KYAT3: variants seen among roughly 807,000 people sequenced by gnomAD.
The protein encoded by KYAT3 is kynurenine--oxoglutarate transaminase 3.
In KYAT3, 50 loss-of-function variants were observed where a neutral mutation model predicts 59.0. The ratio of observed to expected loss-of-function variants is 0.85; its 90% CI spans 0.68 to 1.07. The LOEUF (loss-of-function observed/expected upper bound fraction) is 1.07. KYAT3 is among the 50% of genes least tolerant of loss of function. The pLI is 0.00. For missense variants in KYAT3, 497 were observed against 533.3 expected, an observed-to-expected ratio of 0.93 and a Z score of 0.67; for synonymous variants, 148 against 177.0, an observed-to-expected ratio of 0.84 and a Z score of 1.30.
At chr1:88,990,409 C>T (rs1299235852) in intron 1 of KYAT3, among the ~76,000 whole-genome samples, 1 of 152,226 alleles carries the variant, frequency 6.6e-6, no homozygotes, top group Non-Finnish European at 1.5e-5. Flanking sequence ...TCACCCATTA[C>T]TCCATAATGG....
chr1:88,973,955 C>A (rs1421219874), intron 2 of KYAT3, among the ~76,000 whole-genome samples: 3 of 152,102 alleles, frequency 2.0e-5, no homozygotes, highest in African/African-American at 7.2e-5. Flanking sequence ...AGAATTGAGG[C>A]TGTGGATATC....
In KYAT3 at chr1:88,949,178, G is replaced by A. The variant is rs759620693; in HGVS notation, c.1054C>T (p.Arg352Trp). ...LPKELEVKRD[R>W]MVRLLESVGL... The stretch of plus-strand genomic sequence containing the variant: ...ACACTTTCAAGTAAACGTACCATCC[G>A]ATCTCTTTTTACTTCTAACTCTTTT... Residue 352 changes from arginine (R) to tryptophan (W), a missense_variant, in exon 11 of 14, where the codon CGG (arginine) becomes TGG (tryptophan). Physicochemically the swap from Arg to Trp is moderately radical, Grantham distance 101 (BLOSUM62 -3). Transcript: ENST00000260508. The A allele has an allele frequency of 2.4e-5, 38 of 1,610,272 alleles. No individual in the cohort carries two copies. The highest frequency in any genetic ancestry group is 5.1e-5 in the Admixed American group (3 of 59,156).
At chr1:88,955,116 A>AT in intron 9 of KYAT3, 33 bp downstream of exon 9, 2 of 1,405,350 alleles carry the variant, frequency 1.4e-6, no homozygotes, top group Non-Finnish European at 2.0e-6. Flanking sequence ...ATACAGGCCT[A>AT]TTTTTAAGCA....
chr1:88,987,078 C>T (rs1375711751), intron 2 of KYAT3, among the ~76,000 whole-genome samples: 1 of 152,214 alleles, frequency 6.6e-6, no homozygotes, highest in African/African-American at 2.4e-5. Flanking sequence ...TTGAATAATG[C>T]ATTGTCAGTG....
At chr1:88,974,842 C>T (rs1260759638) in intron 2 of KYAT3, among the ~76,000 whole-genome samples, 2 of 151,730 alleles carry the variant, frequency 1.3e-5, no homozygotes, top group Non-Finnish European at 2.9e-5. Flanking sequence ...CCAATTAGCA[C>T]TCTGTAAAAT....
At chr1:88,954,515 G>A (rs1048112165) in intron 9 of KYAT3, among the ~76,000 whole-genome samples, 3 of 152,138 alleles carry the variant, frequency 2.0e-5, no homozygotes, top group African/African-American at 4.8e-5. Flanking sequence ...CAAAATATTA[G>A]CTACTATTAT....
chr1:88,964,956 G>C lies in KYAT3; in HGVS notation c.326C>G (p.Ala109Gly), dbSNP rs762032588. 1.2e-6 allele frequency: 2 copies of C among 1,602,288 alleles called. No individual in the cohort carries two copies. The highest frequency in any genetic ancestry group is 4.5e-5 in the East Asian group (2 of 44,460). The change falls in exon 5 of 14, where the codon GCT becomes GGT. Residue 109 changes from alanine (A) to glycine (G), a missense_variant. This residue lies in a region of KYAT3 where 469 missense variants were observed against 479.1 expected (regional missense o/e 0.98). Transcript: ENST00000260508. ...RGFGHPSLVK[A>G]LSYLYEKLYQ... The stretch of plus-strand genomic sequence containing the variant: ...AAGCTTTTCATACAGATAGGACAGA[G>C]CTTTCACAAGTGATGGATGGCCCTG...
downstream of KYAT3, among the ~76,000 whole-genome samples, chr1:88,935,561 G>A (rs1675003506): frequency 6.6e-6 from 1 of 152,186 alleles, no homozygotes; most frequent in Non-Finnish European, 1.5e-5. Context: ...CCAGAGGTGA[G>A]GATGTCAAAG....
chr1:88,992,358 G>C (rs1239148976), intron 1 of KYAT3, among the ~76,000 whole-genome samples: 1 of 152,246 alleles, frequency 6.6e-6, no homozygotes, highest in African/African-American at 2.4e-5. Flanking sequence ...AAAGCGCCAA[G>C]ACGGTGACCC....
At chr1:88,931,347 A>G (rs558112835), downstream of KYAT3, among the ~76,000 whole-genome samples, 5 of 152,190 alleles carry the variant, frequency 3.3e-5, no homozygotes, top group African/African-American at 4.8e-5. Context: ...ACTACAAATC[A>G]TTCTTCAAAT....
chr1:88,977,140 G>C (rs1463045146), intron 2 of KYAT3, among the ~76,000 whole-genome samples: 1 of 152,092 alleles, frequency 6.6e-6, no homozygotes, highest in Non-Finnish European at 1.5e-5. Context: ...TCAGCTTCCT[G>C]AGTAGCTGGG....
intron 2 of KYAT3, among the ~76,000 whole-genome samples, chr1:88,975,949 C>T (rs887243766): frequency 1.3e-5 from 2 of 151,910 alleles, no homozygotes. Flanking sequence ...GCAGGAGAAT[C>T]GTCTGACCCA....
At position 88,935,955 on chromosome 1, in the gene KYAT3, C is replaced by G. The variant is rs973929825; in HGVS notation, c.*228G>C. 3 of 464,140 alleles carry G rather than the reference C, an allele frequency of 6.5e-6. No homozygotes were observed. The highest frequency in any genetic ancestry group is 5.7e-5 in the African/African-American group (3 of 52,200). The allele number at this position is 464,140 out of a possible 1,614,324, so 28.8% of individuals were successfully genotyped here. On this transcript the variant is annotated 3_prime_UTR_variant, in exon 14 of 14. Coordinates refer to ENST00000260508, the MANE Select transcript of KYAT3 (RefSeq NM_001008661.3). ...TTTCTTATCCACTATGTTATGCTGA[C>G]TCTTATAAAATGATTGTGGAAGGTG...
At chr1:88,984,440 T>C (rs541123126) in intron 2 of KYAT3, among the ~76,000 whole-genome samples, 2 of 152,290 alleles carry the variant, frequency 1.3e-5, no homozygotes, top group African/African-American at 4.8e-5. Context: ...ATGGAACTCC[T>C]AGCCCAAGTG....
chr1:88,963,729 G>T lies in KYAT3; in HGVS notation c.453+1100C>A, dbSNP rs991197721. On this transcript the variant is annotated intron_variant, in intron 5 of 13. Transcript: ENST00000260508. ...TCTTTAAAACATCTTCTATCTCACA[G>T]TGCTTAGCATATATTGGATCCTCAG... Among the ~76,000 whole-genome samples, 20 of 152,206 alleles carry T rather than the reference G, an allele frequency of 1.3e-4. 1 individual carries two copies. The highest frequency in any genetic ancestry group is 1.1e-3 in the Admixed American group (17 of 15,282).
intron 11 of KYAT3, among the ~76,000 whole-genome samples, chr1:88,948,650 C>CATTT (rs1381367348): frequency 6.6e-6 from 1 of 152,172 alleles, no homozygotes; most frequent in Non-Finnish European, 1.5e-5. Context: ...GTTATTCTCC[C>CATTT]ATTTATTTTA....
chr1:88,956,965 A>C (rs900284641), intron 8 of KYAT3, among the ~76,000 whole-genome samples: 2 of 151,988 alleles, frequency 1.3e-5, no homozygotes, highest in Non-Finnish European at 2.9e-5. Flanking sequence ...TTGTCCTTAG[A>C]GTGTTGGTAC....
intron 5 of KYAT3, among the ~76,000 whole-genome samples, chr1:88,962,765 G>A (rs1381630681): frequency 1.3e-5 from 2 of 152,178 alleles, no homozygotes; most frequent in African/African-American, 2.4e-5. Context: ...AAAGTGCTGG[G>A]ATTACAGGCC....
At chr1:88,971,468 T>C (rs1676555322) in intron 2 of KYAT3, among the ~76,000 whole-genome samples, 1 of 152,188 alleles carries the variant, frequency 6.6e-6, no homozygotes, top group South Asian at 2.1e-4. Context: ...TCTCAATGTT[T>C]TTTTTTATTA....
Sources: allele counts gnomAD v4.1 joint callset (sites outside exome capture counted in the v4.1 genomes callset), GRCh38; gene constraint gnomAD v4.1.1; regional missense constraint gnomAD v4.1.1; transcripts MANE v1.5; gene names NCBI Gene and HGNC (gene_info 2026-07-23, HGNC 2026-07-21).